TGM6: variants seen among roughly 807,000 people sequenced by gnomAD.
TGM6 encodes protein-glutamine gamma-glutamyltransferase 6.
Under a neutral mutation model 77.5 loss-of-function variants are expected in TGM6, and 74 were observed. That is an observed-to-expected ratio of 0.96 (90% CI 0.79 to 1.16). TGM6 has a LOEUF of 1.16. Among genes scored for constraint, TGM6 ranks in the 50% most tolerant of loss-of-function variants. TGM6 has a pLI of 0.00. For missense variants in TGM6, 968 were observed against 940.2 expected (o/e 1.03, Z -0.39); for synonymous variants, 383 against 378.9 (o/e 1.01, Z -0.12).
intron 1 of TGM6, among the ~76,000 whole-genome samples, chr20:2,391,592 C>A (rs2084630046): frequency 6.6e-6 from 1 of 152,058 alleles, no homozygotes; most frequent in East Asian, 1.9e-4. Context: ...TCATAAGAGA[C>A]AATGGGGCAT....
At chr20:2,397,796 G>T (rs781564953) in intron 4 of TGM6, 122 bp from the exon 5 acceptor site, 2 of 1,511,160 alleles carry the variant, frequency 1.3e-6, no homozygotes, top group Middle Eastern at 1.7e-4. Context: ...TGCCCCTGGT[G>T]GTTGGAGGGG....
intron 10 of TGM6, among the ~76,000 whole-genome samples, chr20:2,425,777 A>C (rs1221628128): frequency 6.6e-6 from 1 of 152,210 alleles, no homozygotes; most frequent in Non-Finnish European, 1.5e-5. Context: ...ATTTTGATAC[A>C]TGTATAGAAT....
In TGM6 at chr20:2,397,965, C is replaced by T. The variant is rs564481002; in HGVS notation, c.591C>T (p.Ser197=). Residue 197 remains serine, a synonymous_variant, in exon 5 of 13, where the codon AGC becomes AGT. Coordinates refer to ENST00000202625, the MANE Select transcript of TGM6 (RefSeq NM_198994.3). ...LNICLSILDR[S]PGHQNNPATD... is the part of the protein sequence containing the mutation. ...TCTGCCTCTCCATCCTGGATCGAAG[C>T]CCCGGTCACCAAAACAACCCAGCCA... The T allele has an allele frequency of 3.0e-5, 48 of 1,614,130 alleles. No homozygotes were observed. The South Asian group carries it at 3.4e-4, about 11-fold the overall frequency.
At chr20:2,431,335 TC>T (rs1270224932) in intron 12 of TGM6, among the ~76,000 whole-genome samples, 3 of 152,354 alleles carry the variant, frequency 2.0e-5, no homozygotes, top group African/African-American at 7.2e-5. Flanking sequence ...ATTCATGCAT[TC>T]TTCAATTTGC....
chr20:2,431,361 C>T (rs2084923241), intron 12 of TGM6, among the ~76,000 whole-genome samples: 1 of 152,108 alleles, frequency 6.6e-6, no homozygotes, highest in Non-Finnish European at 1.5e-5. Context: ...TCTTTATTCA[C>T]TCATTTGTTC....
intron 1 of TGM6, among the ~76,000 whole-genome samples, chr20:2,381,383 C>T (rs2422756): frequency 0.73 from 111,355 of 151,640 alleles, 41,220 homozygotes; most frequent in African/African-American, 0.76. Flanking sequence ...AGGCCCCCAC[C>T]GGCTGCATCC....
Position 2,391,389 on chromosome 20 carries a change from G to A in TGM6, c.8-3063G>A, listed in dbSNP as rs184330598. ...AGACAATCACAGGCACCCCAACCAGGAGGGGCCTTAGGAAAAGCACAAGGC... is the reference window on the plus strand; with the variant it reads ...AGACAATCACAGGCACCCCAACCAGAAGGGGCCTTAGGAAAAGCACAAGGC... On this transcript the variant is annotated intron_variant, in intron 1 of 12. Coordinates refer to ENST00000202625, the MANE Select transcript of TGM6 (RefSeq NM_198994.3). Among the ~76,000 whole-genome samples, 7 of 152,262 alleles carry A rather than the reference G, an allele frequency of 4.6e-5. No individual in the cohort carries two copies. In the East Asian group the frequency reaches 1.4e-3, roughly 29 times the overall value.
chr20:2,381,104 C>T (rs1025394677), intron 1 of TGM6, 129 bp downstream of exon 1: 15 of 1,355,672 alleles, frequency 1.1e-5, no homozygotes, highest in Non-Finnish European at 1.4e-5. Context: ...CCACCATGAA[C>T]ACATGAACTC....
intron 9 of TGM6, among the ~76,000 whole-genome samples, chr20:2,410,717 A>G (rs1020393767): frequency 6.6e-6 from 1 of 152,188 alleles, no homozygotes; most frequent in Non-Finnish European, 1.5e-5. Context: ...CTGGAGACCC[A>G]GTTGGTGTCC....
Position 2,395,244 on chromosome 20 carries a change from G to A in TGM6, c.232G>A (p.Glu78Lys), listed in dbSNP as rs768549472. The A allele has an allele frequency of 1.2e-6, 2 of 1,614,122 alleles. No homozygotes were observed. The highest frequency in any genetic ancestry group is 1.7e-6 in the Non-Finnish European group (2 of 1,180,038). Reference protein sequence around the residue: ...LHTKAVFQTSELERGEGWTAA... With the variant: ...LHTKAVFQTSKLERGEGWTAA... ...CACCAAAGCTGTGTTCCAGACATCG[G>A]AGCTGGAGCGGGGTGAGGGCTGGAC... Residue 78 changes from glutamate (E) to lysine (K), a missense_variant, in exon 3 of 13, where the codon GAG becomes AAG. By Grantham distance (56) the Glu-to-Lys change is moderately conservative. Transcript: ENST00000202625.
At chr20:2,386,381 T>G (rs1355124591) in intron 1 of TGM6, among the ~76,000 whole-genome samples, 1 of 151,520 alleles carries the variant, frequency 6.6e-6, no homozygotes, top group Non-Finnish European at 1.5e-5. Flanking sequence ...GAGTGTAGAG[T>G]TGGGCAGGGG....
At chr20:2,403,304 G>T in intron 7 of TGM6, 93 bp from the exon 8 acceptor site, 1 of 1,348,688 alleles carries the variant, frequency 7.4e-7, no homozygotes. Flanking sequence ...AGTTCTTGTG[G>T]AAAGTAGGGA....
chr20:2,399,774 C>T (rs774501537), intron 6 of TGM6, 36 bp downstream of exon 6: 15 of 1,559,094 alleles, frequency 9.6e-6, no homozygotes, highest in South Asian at 2.3e-5. Flanking sequence ...GGTACCTGTG[C>T]CCCCAGCTTC....
At chr20:2,423,700 T>C (rs2084870800) in intron 10 of TGM6, among the ~76,000 whole-genome samples, 1 of 152,226 alleles carries the variant, frequency 6.6e-6, no homozygotes, top group Non-Finnish European at 1.5e-5. Flanking sequence ...CTTAATGGTG[T>C]CTAGAATGGT....
At position 2,431,046 on chromosome 20, in the gene TGM6, G is replaced by T. The variant is rs1213219766; in HGVS notation, c.1967+19G>T. 4.3e-6 allele frequency: 7 copies of T among 1,612,698 alleles called. No homozygotes were observed. Among genetic ancestry groups the T allele is most frequent in the Non-Finnish European group, 5.1e-6 (6 of 1,179,490 alleles). On this transcript the variant is annotated intron_variant, in intron 12 of 12. Transcript: ENST00000202625. ...GCATCGAGTAAGTGCCAGCCTGGGG[G>T]GCTGGCAGGGAATGGGGCTCTCTTC...
Position 2,431,025 on chromosome 20 carries a change from C to A in TGM6, c.1965C>A (p.Ile655=). 6.2e-7 allele frequency: 1 copy of A among 1,613,868 alleles called. No homozygotes were observed. The highest frequency in any genetic ancestry group is 8.5e-7 in the Non-Finnish European group (1 of 1,179,936). The change falls in exon 12 of 13, where the codon ATC becomes ATA. Residue 655 remains isoleucine, a splice_region_variant and synonymous_variant. Transcript: ENST00000202625. ...GCCTTCTCCAGGAACAGCTCAGCAT[C>A]GAGTAAGTGCCAGCCTGGGGGGCTG... The part of the protein sequence containing the change: ...GSGLLQEQLS[I]DVPTLEPQER...
intron 1 of TGM6, among the ~76,000 whole-genome samples, chr20:2,383,352 A>G (rs539638356): frequency 5.3e-5 from 8 of 152,252 alleles, no homozygotes; most frequent in African/African-American, 1.9e-4. Flanking sequence ...AGGAAGATGG[A>G]TGAGCTAGGC....
At chr20:2,382,739 T>A (rs2084564905) in intron 1 of TGM6, among the ~76,000 whole-genome samples, 1 of 152,164 alleles carries the variant, frequency 6.6e-6, no homozygotes, top group African/African-American at 2.4e-5. Flanking sequence ...AGATCCTAGA[T>A]GGAAAGTGTA....
intron 10 of TGM6, among the ~76,000 whole-genome samples, chr20:2,426,759 T>C (rs1249476928): frequency 2.0e-5 from 3 of 152,226 alleles, no homozygotes; most frequent in African/African-American, 7.2e-5. Flanking sequence ...TTTTTCTGCA[T>C]CTATTGATAT....
Sources: gnomAD v4.1 joint callset for allele counts (sites outside exome capture counted in the v4.1 genomes callset) on GRCh38, gnomAD v4.1.1 for gene constraint, MANE v1.5 for transcripts, NCBI Gene and HGNC (gene_info 2026-07-23, HGNC 2026-07-21) for gene names.